Variants in DMXL1 observed in about 807,000 individuals in gnomAD.
DMXL1 encodes the protein dmX-like protein 1.
In DMXL1, 99 loss-of-function variants were observed where a neutral mutation model predicts 319.2. The observed-to-expected ratio is 0.31, with a 90% CI of 0.26 to 0.37. The LOEUF is 0.37. Ranked by LOEUF, DMXL1 falls within the 10% of genes least tolerant of loss-of-function variation. The pLI is 1.00. For missense variants in DMXL1, 3,745 were observed against 3,595.6 expected (o/e 1.04, Z -1.06); for synonymous variants, 1,385 against 1,235.2 (o/e 1.12, Z -2.54).
At chr5:119,091,952 T>C (rs903605338) in intron 1 of DMXL1, among the ~76,000 whole-genome samples, 1 of 152,200 alleles carries the variant, frequency 6.6e-6, no homozygotes, top group African/African-American at 2.4e-5. Context: ...TAGGCACTTG[T>C]GATGCTTCTT....
At chr5:119,091,902 C>T (rs1245442433) in intron 1 of DMXL1, among the ~76,000 whole-genome samples, 1 of 152,204 alleles carries the variant, frequency 6.6e-6, no homozygotes, top group African/African-American at 2.4e-5. Context: ...ATAATACTGC[C>T]TGCCCTCTTT....
Position 119,166,684 on chromosome 5 carries a change from C to T in DMXL1, c.5039C>T (p.Ala1680Val). 6.2e-7 allele frequency: 1 copy of T among 1,612,544 alleles called. No homozygotes were observed. Among genetic ancestry groups the T allele is most frequent in the Non-Finnish European group, 8.5e-7 (1 of 1,179,374 alleles). Residue 1680 changes from alanine to valine, a missense_variant, in exon 22 of 44, where the codon GCA (alanine) becomes GTA (valine). Physicochemically the swap from Ala to Val is moderately conservative, Grantham distance 64. Transcript: ENST00000539542. ...HNFEDERWRKAALKNAFSLLG... is the reference protein window; with the variant it reads ...HNFEDERWRKVALKNAFSLLG... ...TTTGAGGATGAGAGGTGGCGTAAAGCAGCTTTAAAGAATGCTTTTTCTTTG... is the reference window on the plus strand; with the variant it reads ...TTTGAGGATGAGAGGTGGCGTAAAGTAGCTTTAAAGAATGCTTTTTCTTTG...
chr5:119,153,480 C>T (rs1770297191), intron 19 of DMXL1, among the ~76,000 whole-genome samples: 1 of 152,066 alleles, frequency 6.6e-6, no homozygotes, highest in Non-Finnish European at 1.5e-5. Context: ...ATATACAATA[C>T]ACTATTATTA....
rs1209596684 is a variant in DMXL1 at position 119,071,435 on chromosome 5, T to C, written c.-135T>C. 3 of 866,610 alleles carry C rather than the reference T, an allele frequency of 3.5e-6. No homozygotes were observed. The highest frequency in any genetic ancestry group is 5.5e-6 in the Non-Finnish European group (3 of 546,282). The allele number at this position is 866,610 out of a possible 1,614,324, so 53.7% of individuals were successfully genotyped here. On this transcript the variant is annotated 5_prime_UTR_variant, in exon 1 of 44. Transcript: ENST00000539542. ...CGGGCCCCAGCTGAGCGGCTCCGGC[T>C]CCAGGCGCCTGTCGCTGCTTCTGCC...
chr5:119,164,408 A>G lies in DMXL1; in HGVS notation c.4703-99A>G, dbSNP rs112961719. 158 of 1,085,210 alleles carry G rather than the reference A, an allele frequency of 1.5e-4. 1 individual carries two copies. The Middle Eastern group carries it at 1.7e-3, about 11-fold the overall frequency. The allele number at this position is 1,085,210 out of a possible 1,614,324, so 67.2% of individuals were successfully genotyped here. ...AATCTTAAACTGTGAGTCTCATAGA[A>G]GTTTACACATTTATATTGAAAATAT... is the stretch of plus-strand genomic sequence containing the variant. On this transcript the variant is annotated intron_variant, in intron 19 of 43. Transcript: ENST00000539542.
At chr5:119,136,413 GA>G in intron 13 of DMXL1, among the ~76,000 whole-genome samples, 1 of 152,270 alleles carries the variant, frequency 6.6e-6, no homozygotes, top group Non-Finnish European at 1.5e-5. Context: ...CCATGTGGTA[GA>G]AAAGAAAAAC....
At chr5:119,084,758 G>C (rs921328649) in intron 1 of DMXL1, among the ~76,000 whole-genome samples, 6 of 151,774 alleles carry the variant, frequency 4.0e-5, no homozygotes, top group Non-Finnish European at 5.9e-5. Flanking sequence ...CCGGCTACTC[G>C]GGAGGCGAGG....
intron 4 of DMXL1, among the ~76,000 whole-genome samples, chr5:119,105,864 T>G (rs1051412816): frequency 6.6e-6 from 1 of 150,980 alleles, no homozygotes; most frequent in African/African-American, 2.4e-5. Context: ...GCCATTGCAC[T>G]TCAGCCTGGG....
chr5:119,133,420 T>C, intron 11 of DMXL1, 35 bp downstream of exon 11: 2 of 1,593,354 alleles, frequency 1.3e-6, no homozygotes, highest in African/African-American at 1.3e-5. Context: ...TACTTCCTTG[T>C]TTATGTGGGT....
chr5:119,083,072 A>G, intron 1 of DMXL1, among the ~76,000 whole-genome samples: 1 of 152,198 alleles, frequency 6.6e-6, no homozygotes, highest in Non-Finnish European at 1.5e-5. Flanking sequence ...ATGCAGTGGC[A>G]TGATCTTGGC....
At chr5:119,134,468 CA>C (rs1400365153) in intron 13 of DMXL1, 79 bp downstream of exon 13, 5 of 1,179,626 alleles carry the variant, frequency 4.2e-6, no homozygotes, top group Non-Finnish European at 5.9e-6. Flanking sequence ...GCATGTTCTA[CA>C]ATTGTGACCT....
intron 29 of DMXL1, among the ~76,000 whole-genome samples, chr5:119,191,854 C>G (rs1778752226): frequency 6.6e-6 from 1 of 152,328 alleles, no homozygotes; most frequent in African/African-American, 2.4e-5. Flanking sequence ...AGCTCCTGAC[C>G]AAGTTCTTAC....
At chr5:119,132,043 C>T (rs1199003568) in intron 10 of DMXL1, among the ~76,000 whole-genome samples, 1 of 152,178 alleles carries the variant, frequency 6.6e-6, no homozygotes, top group Admixed American at 6.5e-5. Context: ...TTGTACAATA[C>T]TTAATGGCTC....
At chr5:119,112,853 A>C (rs1353309594) in intron 5 of DMXL1, among the ~76,000 whole-genome samples, 2 of 152,140 alleles carry the variant, frequency 1.3e-5, no homozygotes, top group Non-Finnish European at 2.9e-5. Flanking sequence ...GCTACTTGGG[A>C]GGCTGAGGCA....
chr5:119,248,505 TAA>T lies in DMXL1; in HGVS notation c.*1287_*1288del. ...CAATGAGACTACAGGCAGATGGGAC[TAA>T]GTGTTTATGGGACAATTATGTACTA... On this transcript the variant is annotated 3_prime_UTR_variant, in exon 44 of 44. Transcript: ENST00000539542. The T allele has an allele frequency of 6.6e-6, 1 of 152,506 alleles. No individual in the cohort carries two copies. The highest frequency in any genetic ancestry group is 2.1e-4 in the South Asian group (1 of 4,830). The allele number at this position is 152,506 out of a possible 1,614,324, so 9.4% of individuals were successfully genotyped here. A position where few individuals can be genotyped will look rare whatever the true frequency, so the allele number is the denominator to read the frequency against.
intron 18 of DMXL1, among the ~76,000 whole-genome samples, chr5:119,150,780 C>A (rs984972091): frequency 2.0e-5 from 3 of 151,560 alleles, no homozygotes; most frequent in South Asian, 2.1e-4. Flanking sequence ...TAGAGCAAGA[C>A]CCTGTCTCTT....
intron 13 of DMXL1, among the ~76,000 whole-genome samples, chr5:119,142,682 C>T (rs1309780950): frequency 1.3e-5 from 2 of 152,086 alleles, no homozygotes; most frequent in East Asian, 1.9e-4. Flanking sequence ...AATCCCATTA[C>T]TGGCTATGTA....
At chr5:119,137,263 C>T (rs959392810) in intron 13 of DMXL1, among the ~76,000 whole-genome samples, 1 of 152,202 alleles carries the variant, frequency 6.6e-6, no homozygotes, top group South Asian at 2.1e-4. Flanking sequence ...CCAGTTTCTT[C>T]TATTTGGAAC....
chr5:119,104,693 T>G lies in DMXL1; in HGVS notation c.286-487T>G, dbSNP rs1357817314. On this transcript the variant is annotated intron_variant, in intron 3 of 43. Coordinates refer to ENST00000539542, the MANE Select transcript of DMXL1 (RefSeq NM_001290321.3). Reference sequence around the variant, plus strand: ...CATACATTGTGTATTTCTTACTGATTTGCAGGCAGAAAAAAAGGGAAAAAT... The same window carrying G: ...CATACATTGTGTATTTCTTACTGATGTGCAGGCAGAAAAAAAGGGAAAAAT... Among the ~76,000 whole-genome samples, 4 of 152,212 alleles carry G rather than the reference T, an allele frequency of 2.6e-5. No homozygotes were observed. The East Asian group carries it at 5.8e-4, about 22-fold the overall frequency.
Sources: allele counts gnomAD v4.1 joint callset (sites outside exome capture counted in the v4.1 genomes callset), GRCh38; gene constraint gnomAD v4.1.1; transcripts MANE v1.5; gene names NCBI Gene and HGNC (gene_info 2026-07-23, HGNC 2026-07-21).